Variants in CYFIP1 observed in about 807,000 individuals in gnomAD.
CYFIP1 encodes the protein cytoplasmic FMR1-interacting protein 1.
In CYFIP1, 58 loss-of-function variants were observed where a neutral mutation model predicts 163.5. That is an observed-to-expected ratio of 0.35 (90% confidence interval 0.29 to 0.44). The LOEUF (loss-of-function observed/expected upper bound fraction) is 0.44. Ranked by LOEUF, CYFIP1 falls within the 20% of genes least tolerant of loss-of-function variation. CYFIP1 has a pLI of 1.00. For synonymous variants in CYFIP1, 663 were observed against 660.7 expected, an observed-to-expected ratio of 1.00 and a Z score of -0.05; for missense variants, 1,338 against 1,653.8, an observed-to-expected ratio of 0.81 and a Z score of 3.31.
chr15:22,907,334 G>A (rs1393288631), intron 21 of CYFIP1, among the ~76,000 whole-genome samples: 1 of 152,074 alleles, frequency 6.6e-6, no homozygotes, highest in Non-Finnish European at 1.5e-5. Context: ...CTGACTCACA[G>A]GGGTGCCAGC....
chr15:22,967,712 T>C (rs2062958804), intron 1 of CYFIP1, among the ~76,000 whole-genome samples: 4 of 152,126 alleles, frequency 2.6e-5, no homozygotes, highest in South Asian at 2.1e-4. Flanking sequence ...GTCAATTCCA[T>C]GTGACCAGTG....
In CYFIP1 at chr15:22,943,764, C is replaced by G. The variant is rs936234644; in HGVS notation, c.388-410G>C. On this transcript the variant is annotated intron_variant, in intron 5 of 30. Transcript: ENST00000617928. ...TCTCCCAGTTAGTTCCATCTCCTCC[C>G]TTTGCTGAAGGACATCATCATAAAA... Among the ~76,000 whole-genome samples the G allele has an allele frequency of 1.3e-4, 20 of 152,270 alleles. 3 individuals carry two copies. The highest frequency in any genetic ancestry group is 5.9e-4 in the Admixed American group (9 of 15,294).
At chr15:22,946,450 G>A (rs988355238) in intron 3 of CYFIP1, among the ~76,000 whole-genome samples, 2 of 152,056 alleles carry the variant, frequency 1.3e-5, no homozygotes, top group Admixed American at 6.5e-5. Flanking sequence ...AGACCAGCCC[G>A]ACCAACATGG....
chr15:22,925,116 A>C (rs138095098), intron 13 of CYFIP1, among the ~76,000 whole-genome samples: 24 of 152,194 alleles, frequency 1.6e-4, no homozygotes, highest in Non-Finnish European at 2.9e-4. Context: ...GGAACCCAAG[A>C]ACACTGAGGG....
chr15:22,947,325 G>T, intron 1 of CYFIP1, 34 bp from the exon 2 acceptor site: 1 of 1,598,712 alleles, frequency 6.3e-7, no homozygotes, highest in East Asian at 2.2e-5. Flanking sequence ...TGTTCTGTGA[G>T]GAGAAGGAGG....
At chr15:22,940,637 GAAAT>G (rs572947914) in intron 6 of CYFIP1, among the ~76,000 whole-genome samples, 384 of 152,336 alleles carry the variant, frequency 2.5e-3, no homozygotes, top group Non-Finnish European at 4.6e-3. Context: ...AGGAGACAGA[GAAAT>G]AAACTGCAAT....
intron 26 of CYFIP1, 106 bp from the exon 27 acceptor site, chr15:22,875,377 T>C: frequency 2.2e-6 from 2 of 917,968 alleles, no homozygotes; most frequent in Non-Finnish European, 1.8e-6. Context: ...AAATAAACTC[T>C]GTAAGTTTAT....
At position 22,928,017 on chromosome 15, in the gene CYFIP1, G is replaced by A. The variant is rs2061413301; in HGVS notation, c.1122C>T (p.Gly374=). 6.4e-7 allele frequency: 1 copy of A among 1,565,302 alleles called. No homozygotes were observed. The highest frequency in any genetic ancestry group is 8.6e-7 in the Non-Finnish European group (1 of 1,159,904). Reference sequence around the variant, plus strand: ...TCTTCTGGGCCTCCTGGCGGCCCGAGCCCGTGACCACCTGCACAAGGCGGG... The same window carrying A: ...TCTTCTGGGCCTCCTGGCGGCCCGAACCCGTGACCACCTGCACAAGGCGGG... ...ARYSNSEVVT[G]SGRQEAQKTD... Residue 374 remains glycine, a synonymous_variant, in exon 12 of 31, where the codon GGC becomes GGT. Coordinates refer to ENST00000617928, the MANE Select transcript of CYFIP1 (RefSeq NM_014608.6).
chr15:22,939,600 C>T (rs934735174), intron 6 of CYFIP1, 93 bp from the exon 7 acceptor site: 12 of 948,898 alleles, frequency 1.3e-5, no homozygotes, highest in Non-Finnish European at 1.8e-5. Flanking sequence ...CGAGTGGGAT[C>T]CCTTTCCCCT....
rs2059364940 is a variant in CYFIP1 at position 22,869,651 on chromosome 15, A to C, written c.*377T>G. On this transcript the variant is annotated 3_prime_UTR_variant, in exon 31 of 31. Transcript: ENST00000617928. ...GACCATCAGAAAGATCCCTAAACAA[A>C]AGCTAAATAGTTACAGTTAATGGTA... 6.3e-6 allele frequency: 1 copy of C among 158,836 alleles called. No homozygotes were observed. The highest frequency in any genetic ancestry group is 1.4e-5 in the Non-Finnish European group (1 of 72,764). The allele number at this position is 158,836 out of a possible 1,614,324, so 9.8% of individuals were successfully genotyped here.
intron 1 of CYFIP1, among the ~76,000 whole-genome samples, chr15:22,973,879 T>G (rs545309742): frequency 1.3e-5 from 2 of 152,182 alleles, no homozygotes; most frequent in Non-Finnish European, 2.9e-5. Context: ...TGAATGGATA[T>G]TTCTCAAAAG....
chr15:22,925,922 AGAG>A (rs1357821909), intron 13 of CYFIP1, 57 bp downstream of exon 13: 4 of 1,592,086 alleles, frequency 2.5e-6, no homozygotes, highest in Non-Finnish European at 3.4e-6. Context: ...TGCTTTTGAC[AGAG>A]AAGATGGTGT....
intron 23 of CYFIP1, among the ~76,000 whole-genome samples, chr15:22,888,984 G>T (rs1407806140): frequency 6.6e-6 from 1 of 151,442 alleles, no homozygotes; most frequent in Non-Finnish European, 1.5e-5. Context: ...ACTGGAGGTT[G>T]CAGTGAGGCA....
At chr15:22,978,817 C>G (rs145406601) in intron 1 of CYFIP1, among the ~76,000 whole-genome samples, 100 of 152,206 alleles carry the variant, frequency 6.6e-4, no homozygotes, top group Non-Finnish European at 1.1e-3. Context: ...TCCAAGCCCA[C>G]ATGTGACATT....
intron 1 of CYFIP1, among the ~76,000 whole-genome samples, chr15:22,975,840 T>C (rs1312410089): frequency 1.3e-5 from 2 of 152,218 alleles, no homozygotes; most frequent in Admixed American, 1.3e-4. Flanking sequence ...GCCAAACGTA[T>C]ACTTAAAAGT....
chr15:22,880,190 T>C, intron 25 of CYFIP1, 147 bp from the exon 26 acceptor site: 2 of 1,114,500 alleles, frequency 1.8e-6, no homozygotes, highest in Non-Finnish European at 2.6e-6. Flanking sequence ...CCCCAGCATC[T>C]TCCCTGCAGC....
chr15:22,894,693 G>A (rs2060179499), intron 22 of CYFIP1, among the ~76,000 whole-genome samples: 1 of 151,392 alleles, frequency 6.6e-6, no homozygotes, highest in South Asian at 2.1e-4. Context: ...AATTTATTTT[G>A]TCTATGATAT....
chr15:22,892,637 T>A (rs186272777), intron 23 of CYFIP1, among the ~76,000 whole-genome samples: 3 of 152,340 alleles, frequency 2.0e-5, no homozygotes, highest in Non-Finnish European at 1.5e-5. Flanking sequence ...CTGACACCTA[T>A]CACAAGGCCA....
chr15:22,964,396 CA>C (rs1595720374), intron 1 of CYFIP1, among the ~76,000 whole-genome samples: 1 of 148,266 alleles, frequency 6.7e-6, no homozygotes, highest in African/African-American at 2.6e-5. Context: ...CACACACACA[CA>C]CACACACACA....
Sources: allele counts gnomAD v4.1 joint callset (sites outside exome capture counted in the v4.1 genomes callset), GRCh38; gene constraint gnomAD v4.1.1; transcripts MANE v1.5; gene names NCBI Gene and HGNC (gene_info 2026-07-23, HGNC 2026-07-21).